PPP2R2B: variants seen among roughly 807,000 people sequenced by gnomAD.
The protein encoded by PPP2R2B is protein phosphatase 2 regulatory subunit Bbeta, also known as serine/threonine-protein phosphatase 2A 55 kDa regulatory subunit B beta isoform.
Under a neutral mutation model 46.0 loss-of-function variants are expected in PPP2R2B, and 5 were observed. The ratio of observed to expected loss-of-function variants is 0.11; its 90% CI spans 0.06 to 0.23. PPP2R2B has a LOEUF of 0.23. PPP2R2B is among the 10% of genes least tolerant of loss of function. The pLI is 1.00. For synonymous variants in PPP2R2B, 215 were observed against 206.7 expected (o/e 1.04, Z -0.34); for missense variants, 367 against 575.0 (o/e 0.64, Z 3.70).
chr5:146,836,149 T>C (rs1034837062), intron 2 of PPP2R2B, among the ~76,000 whole-genome samples: 1 of 152,236 alleles, frequency 6.6e-6, no homozygotes, highest in Non-Finnish European at 1.5e-5. Flanking sequence ...TTCAGAGTAA[T>C]TCTGCCTACT....
rs527704028 is a variant in PPP2R2B, at chr5:147,077,283, C to CACAT, written c.50+3775_50+3776insATGT. Among the ~76,000 whole-genome samples, 542 of 141,640 alleles carry CACAT rather than the reference C, an allele frequency of 3.8e-3. 13 individuals are homozygous for CACAT. The East Asian group carries it at 0.06, about 16-fold the overall frequency. 92.9% of individuals were successfully genotyped at this position (141,640 alleles called of 152,430 possible). A position where few individuals can be genotyped will look rare whatever the true frequency, so the allele number is the denominator to read the frequency against. On this transcript the variant is annotated intron_variant, in intron 2 of 10. Transcript: ENST00000394413. ...ATATATGTATGTGTGTATACACACA[C>CACAT]ACACACACACACACACACACACACA...
intron 2 of PPP2R2B, among the ~76,000 whole-genome samples, chr5:147,061,485 T>G (rs1302339696): frequency 6.6e-6 from 1 of 152,166 alleles, no homozygotes; most frequent in Admixed American, 6.5e-5. Flanking sequence ...TAAAAATAAT[T>G]TATTTAACAT....
chr5:146,716,286 C>T (rs909833108), intron 2 of PPP2R2B, among the ~76,000 whole-genome samples: 4 of 152,120 alleles, frequency 2.6e-5, no homozygotes, highest in Non-Finnish European at 4.4e-5. Flanking sequence ...AACTGTAACT[C>T]TTTGTACTTT....
At chr5:146,990,641 A>T (rs534344794) in intron 1 of PPP2R2B, among the ~76,000 whole-genome samples, 1 of 152,286 alleles carries the variant, frequency 6.6e-6, no homozygotes, top group Admixed American at 6.5e-5. Flanking sequence ...GAAATGCTTC[A>T]TGAAATTGGA....
chr5:146,757,432 A>G (rs868094577), intron 2 of PPP2R2B, among the ~76,000 whole-genome samples: 1 of 152,198 alleles, frequency 6.6e-6, no homozygotes, highest in Non-Finnish European at 1.5e-5. Context: ...GAACACAAAA[A>G]TAGAAGAAAG....
intron 2 of PPP2R2B, among the ~76,000 whole-genome samples, chr5:146,769,605 G>C (rs73793265): frequency 0.058 from 8,876 of 152,166 alleles, 317 homozygotes; most frequent in African/African-American, 0.11. Flanking sequence ...AACATATCTT[G>C]GAAAATACTG....
chr5:147,032,767 A>G (rs1237200000), intron 1 of PPP2R2B, among the ~76,000 whole-genome samples: 1 of 152,150 alleles, frequency 6.6e-6, no homozygotes, highest in Non-Finnish European at 1.5e-5. Flanking sequence ...ATTGATGGGC[A>G]TTTGGATTGG....
At chr5:146,760,222 G>A (rs534244871) in intron 2 of PPP2R2B, among the ~76,000 whole-genome samples, 10 of 152,236 alleles carry the variant, frequency 6.6e-5, no homozygotes, top group Middle Eastern at 3.4e-3. Context: ...TGCTTTATAT[G>A]TACCCTCTTA....
intron 2 of PPP2R2B, among the ~76,000 whole-genome samples, chr5:146,831,498 C>CAAAAAA: frequency 1.8e-5 from 1 of 54,942 alleles, no homozygotes; most frequent in East Asian, 5.9e-4. Context: ...CTCCATCTCT[C>CAAAAAA]AAAAAAAAAA....
At chr5:146,915,372 A>G (rs1763345094) in intron 1 of PPP2R2B, among the ~76,000 whole-genome samples, 1 of 152,028 alleles carries the variant, frequency 6.6e-6, no homozygotes, top group Non-Finnish European at 1.5e-5. Context: ...AGCCCTTTGC[A>G]TGCCCAGCTC....
intron 2 of PPP2R2B, among the ~76,000 whole-genome samples, chr5:146,814,905 C>T (rs777289943): frequency 1.3e-5 from 2 of 152,186 alleles, no homozygotes; most frequent in African/African-American, 2.4e-5. Flanking sequence ...TTCACCCCTG[C>T]CTTGGTCTCT....
intron 7 of PPP2R2B, among the ~76,000 whole-genome samples, chr5:146,622,290 T>C (rs2151058619): frequency 6.6e-6 from 1 of 152,326 alleles, no homozygotes; most frequent in East Asian, 1.9e-4. Flanking sequence ...AAATATTGAG[T>C]GTTTGCTGTG....
At chr5:146,999,873 T>G (rs943341722) in intron 1 of PPP2R2B, among the ~76,000 whole-genome samples, 1 of 152,184 alleles carries the variant, frequency 6.6e-6, no homozygotes, top group Non-Finnish European at 1.5e-5. Context: ...ATACTGCATG[T>G]AAAGGCCACA....
intron 2 of PPP2R2B, among the ~76,000 whole-genome samples, chr5:146,725,566 C>G (rs1483359080): frequency 6.6e-6 from 1 of 152,136 alleles, no homozygotes; most frequent in Non-Finnish European, 1.5e-5. Flanking sequence ...CACTGAGTTA[C>G]AAGACATATC....
At chr5:146,889,406 G>A (rs757600587) in intron 1 of PPP2R2B, among the ~76,000 whole-genome samples, 1 of 152,180 alleles carries the variant, frequency 6.6e-6, no homozygotes, top group Non-Finnish European at 1.5e-5. Flanking sequence ...TGAACACTAA[G>A]TTCAATCTTG....
chr5:146,825,918 T>G (rs73793294), intron 2 of PPP2R2B, among the ~76,000 whole-genome samples: 3,110 of 152,286 alleles, frequency 0.02, 100 homozygotes, highest in African/African-American at 0.071. Flanking sequence ...TTGAAGTTTT[T>G]GTTGTCTCCT....
intron 1 of PPP2R2B, among the ~76,000 whole-genome samples, chr5:146,911,467 G>A (rs1475799256): frequency 6.6e-6 from 1 of 152,182 alleles, no homozygotes; most frequent in Non-Finnish European, 1.5e-5. Flanking sequence ...GCCACTAGAT[G>A]CTAAGTTAGT....
At chr5:146,860,954 A>C (rs1172919036) in intron 2 of PPP2R2B, among the ~76,000 whole-genome samples, 1 of 151,742 alleles carries the variant, frequency 6.6e-6, no homozygotes, top group South Asian at 2.1e-4. Context: ...TTTCACCCAG[A>C]TCTTCAGGTG....
chr5:146,815,611 A>G (rs1757884195), intron 2 of PPP2R2B, among the ~76,000 whole-genome samples: 1 of 152,256 alleles, frequency 6.6e-6, no homozygotes, highest in African/African-American at 2.4e-5. Context: ...GCCTAAAGGC[A>G]TTTGAATTCA....
Sources: gnomAD v4.1 joint callset for allele counts (sites outside exome capture counted in the v4.1 genomes callset) on GRCh38, gnomAD v4.1.1 for gene constraint, MANE v1.5 for transcripts, NCBI Gene and HGNC (gene_info 2026-07-23, HGNC 2026-07-21) for gene names.